Variants in ARHGAP21 observed in about 807,000 individuals in gnomAD.
ARHGAP21 encodes the protein rho GTPase-activating protein 21.
ARHGAP21 carries 38 observed loss-of-function variants against 164.6 expected under a neutral mutation model. That is an observed-to-expected ratio of 0.23 (90% CI 0.18 to 0.30). The LOEUF is 0.30. ARHGAP21 is among the 10% of genes least tolerant of loss of function. The pLI, the probability that ARHGAP21 is intolerant of heterozygous loss-of-function variation, is 1.00. For synonymous variants in ARHGAP21, 766 were observed against 857.9 expected, an observed-to-expected ratio of 0.89 and a Z score of 1.87; for missense variants, 1,822 against 2,370.7, an observed-to-expected ratio of 0.77 and a Z score of 4.81.
intron 2 of ARHGAP21, among the ~76,000 whole-genome samples, chr10:24,696,047 C>A (rs1007685140): frequency 6.6e-6 from 1 of 152,172 alleles, no homozygotes; most frequent in African/African-American, 2.4e-5. Context: ...CAATAGATAA[C>A]TGAACTGACA....
intron 9 of ARHGAP21, among the ~76,000 whole-genome samples, chr10:24,617,901 G>A (rs1174477410): frequency 6.6e-6 from 1 of 152,106 alleles, no homozygotes; most frequent in Non-Finnish European, 1.5e-5. Flanking sequence ...TATGGCCTTG[G>A]TTGGTGGCAA....
chr10:24,610,356 A>G (rs1288048444), intron 9 of ARHGAP21, among the ~76,000 whole-genome samples: 1 of 150,398 alleles, frequency 6.6e-6, no homozygotes, highest in Non-Finnish European at 1.5e-5. Flanking sequence ...AGCCTGGACA[A>G]CAGAGGACTC....
chr10:24,621,927 T>C (rs866407306), intron 8 of ARHGAP21, among the ~76,000 whole-genome samples: 3 of 152,224 alleles, frequency 2.0e-5, no homozygotes, highest in Non-Finnish European at 2.9e-5. Context: ...CTAAGTATTT[T>C]AATATTTAAA....
intron 1 of ARHGAP21, chr10:24,722,533 A>G (rs975214702): frequency 6.5e-6 from 1 of 154,102 alleles, no homozygotes; most frequent in African/African-American, 2.4e-5. Flanking sequence ...ATTCAAGTGC[A>G]TTTTAATTCA....
intron 24 of ARHGAP21, 148 bp downstream of exon 24, chr10:24,591,077 A>T (rs1447298130): frequency 1.0e-6 from 1 of 978,022 alleles, no homozygotes; most frequent in African/African-American, 1.7e-5. Flanking sequence ...GATCAATTGG[A>T]AAAGGAAGAT....
chr10:24,595,677 G>T, intron 19 of ARHGAP21, 40 bp downstream of exon 19: 1 of 1,564,028 alleles, frequency 6.4e-7, no homozygotes, highest in South Asian at 1.1e-5. Flanking sequence ...ATTGTAACTT[G>T]AACCATTTCA....
intron 9 of ARHGAP21, among the ~76,000 whole-genome samples, chr10:24,612,577 A>G (rs1227818491): frequency 3.3e-5 from 5 of 152,178 alleles, no homozygotes; most frequent in Admixed American, 6.5e-5. Context: ...AATTCAGGCC[A>G]GGTGTGGTGG....
intron 2 of ARHGAP21, among the ~76,000 whole-genome samples, chr10:24,686,152 C>T (rs192995139): frequency 6.6e-6 from 1 of 152,172 alleles, no homozygotes; most frequent in East Asian, 1.9e-4. Context: ...CTACTTAGGC[C>T]GGACATGGTG....
chr10:24,622,777 G>A lies in ARHGAP21; in HGVS notation c.496-15C>T. 1 of 1,609,526 alleles carries A rather than the reference G, an allele frequency of 6.2e-7. No individual in the cohort carries two copies. Reference sequence around the variant, plus strand: ...GTAAACTGTAGCTAGCAGAAAATAGGAAAACATAGTAGAAGCTGCTTACTG... The same window carrying A: ...GTAAACTGTAGCTAGCAGAAAATAGAAAAACATAGTAGAAGCTGCTTACTG... On this transcript the variant is annotated splice_polypyrimidine_tract_variant and intron_variant, in intron 7 of 25. Transcript: ENST00000396432.
intron 19 of ARHGAP21, 62 bp from the exon 20 acceptor site, chr10:24,595,252 T>C (rs1480363324): frequency 2.2e-6 from 3 of 1,372,642 alleles, no homozygotes; most frequent in South Asian, 1.3e-5. Context: ...GTAATCTAGT[T>C]TCCCTTTAAG....
At chr10:24,678,918 G>A (rs558885876) in intron 2 of ARHGAP21, among the ~76,000 whole-genome samples, 29 of 152,260 alleles carry the variant, frequency 1.9e-4, no homozygotes, top group African/African-American at 6.3e-4. Context: ...GACATTCACC[G>A]AGGTTGCTGC....
intron 6 of ARHGAP21, among the ~76,000 whole-genome samples, chr10:24,631,744 G>A (rs1050310878): frequency 1.3e-5 from 2 of 152,110 alleles, no homozygotes; most frequent in African/African-American, 2.4e-5. Context: ...TTGAGACAGG[G>A]TCTCACTCTG....
intron 2 of ARHGAP21, among the ~76,000 whole-genome samples, chr10:24,715,220 T>C (rs906304696): frequency 6.6e-6 from 1 of 152,134 alleles, no homozygotes; most frequent in African/African-American, 2.4e-5. Flanking sequence ...GTCATTTTGG[T>C]AATAAAAAAG....
intron 2 of ARHGAP21, among the ~76,000 whole-genome samples, chr10:24,716,910 T>C (rs1007898942): frequency 3.9e-5 from 6 of 152,022 alleles, no homozygotes; most frequent in African/African-American, 1.5e-4. Context: ...GGAATGGAGG[T>C]AGAGTCAGGA....
chr10:24,650,086 G>A (rs1019840581), intron 4 of ARHGAP21, among the ~76,000 whole-genome samples: 2 of 152,202 alleles, frequency 1.3e-5, no homozygotes, highest in East Asian at 1.9e-4. Flanking sequence ...GGGAGATGGA[G>A]TAAGAATGAA....
rs779971813 is a variant in ARHGAP21 at position 24,635,057 on chromosome 10, C to A, written c.315G>T (p.Lys105Asn). ...AAGCAGGTCCTCCTTCTTTAACTTGCTTAACAAATATGGTATCCATTGGTT... is the reference window on the plus strand; with the variant it reads ...AAGCAGGTCCTCCTTCTTTAACTTGATTAACAAATATGGTATCCATTGGTT... The part of the protein sequence containing the change: ...RLEPMDTIFV[K>N]QVKEGGPAFE... Residue 105 changes from lysine (K) to asparagine (N), a missense_variant, in exon 5 of 26, where the codon AAG becomes AAT. Lys to Asn is a moderately conservative substitution (Grantham distance 94). Transcript: ENST00000396432. 1.2e-6 allele frequency: 2 copies of A among 1,602,672 alleles called. No homozygotes were observed. The highest frequency in any genetic ancestry group is 1.7e-6 in the Non-Finnish European group (2 of 1,175,534).
intron 9 of ARHGAP21, among the ~76,000 whole-genome samples, chr10:24,617,035 G>T (rs1347499009): frequency 6.6e-6 from 1 of 152,172 alleles, no homozygotes; most frequent in Non-Finnish European, 1.5e-5. Context: ...TCCATGGCCG[G>T]TTAGGAGCTG....
rs1397510678 is a variant in ARHGAP21, at chr10:24,595,907, T to A, written c.3614A>T (p.Asp1205Val). The A allele has an allele frequency of 6.2e-7, 1 of 1,612,808 alleles. No homozygotes were observed. Among genetic ancestry groups the A allele is most frequent in the Non-Finnish European group, 8.5e-7 (1 of 1,179,650 alleles). The change falls in exon 18 of 26, where the codon GAT (aspartate) becomes GTT (valine). Residue 1205 changes from aspartate to valine, a missense_variant. Physicochemically the swap from Asp to Val is radical, Grantham distance 152. Around this residue, in one of 5 missense-constraint regions of ARHGAP21, gnomAD observed 117 missense variants for 238.1 expected, o/e 0.49. Coordinates refer to ENST00000396432, the MANE Select transcript of ARHGAP21 (RefSeq NM_020824.4). ...ACTTACATCATCTTGTATATCAATA[T>A]CAGCCATTCCCTTGTTGAGTTCTTC... is the stretch of plus-strand genomic sequence containing the variant. Reference protein sequence around the residue: ...MQEELNKGMADIDIQDDKWRD... With the variant: ...MQEELNKGMAVIDIQDDKWRD...
At chr10:24,689,792 GTATATATGTATATGTATGTGTA>G (rs1842543461) in intron 2 of ARHGAP21, among the ~76,000 whole-genome samples, 1 of 149,080 alleles carries the variant, frequency 6.7e-6, no homozygotes, top group African/African-American at 2.5e-5. Flanking sequence ...GTATATATAT[GTATATATGTATATGTATGTGTA>G]TATATATGTA....
Sources: allele counts gnomAD v4.1 joint callset (sites outside exome capture counted in the v4.1 genomes callset), GRCh38; gene constraint gnomAD v4.1.1; regional missense constraint gnomAD v4.1.1; transcripts MANE v1.5; gene names NCBI Gene and HGNC (gene_info 2026-07-23, HGNC 2026-07-21).